The following TFCP2 variants were observed in gnomAD, a reference collection of about 807,000 sequenced individuals.
TFCP2 encodes the protein transcription factor CP2.
TFCP2 carries 33 observed loss-of-function variants against 73.4 expected under a neutral mutation model. That is an observed-to-expected ratio of 0.45 (90% CI 0.34 to 0.60). TFCP2 has a LOEUF of 0.60. Ranked by LOEUF, TFCP2 falls within the 20% of genes least tolerant of loss-of-function variation. The pLI, the probability that TFCP2 is intolerant of heterozygous loss-of-function variation, is 0.01. For missense variants in TFCP2, 352 were observed against 604.0 expected (o/e 0.58, Z 4.37); for synonymous variants, 193 against 211.6 (o/e 0.91, Z 0.76).
chr12:51,164,168 T>C (rs1191708259), intron 1 of TFCP2, among the ~76,000 whole-genome samples: 2 of 152,060 alleles, frequency 1.3e-5, no homozygotes, highest in African/African-American at 2.4e-5. Context: ...CACCACTGCA[T>C]CATTCCAGCC....
chr12:51,150,955 A>G (rs776709427), intron 1 of TFCP2, among the ~76,000 whole-genome samples: 4 of 152,258 alleles, frequency 2.6e-5, no homozygotes, highest in Middle Eastern at 3.4e-3. Context: ...TACACATCAG[A>G]TGTTAGGGAA....
intron 1 of TFCP2, among the ~76,000 whole-genome samples, chr12:51,124,405 T>C (rs947665822): frequency 6.6e-6 from 1 of 152,192 alleles, no homozygotes; most frequent in Non-Finnish European, 1.5e-5. Context: ...TTGGTTATTT[T>C]TTTCTTTTCT....
intron 6 of TFCP2, among the ~76,000 whole-genome samples, 172 bp downstream of exon 6, chr12:51,108,949 T>A (rs1940326597): frequency 6.6e-6 from 1 of 152,182 alleles, no homozygotes; most frequent in Admixed American, 6.6e-5. Context: ...TACGACCATG[T>A]AAATTTCTTT....
intron 5 of TFCP2, 97 bp from the exon 6 acceptor site, chr12:51,109,370 G>T: frequency 7.8e-7 from 1 of 1,287,040 alleles, no homozygotes; most frequent in Non-Finnish European, 1.1e-6. Flanking sequence ...ACCTTTACCA[G>T]GCATTATGAA....
intron 1 of TFCP2, among the ~76,000 whole-genome samples, chr12:51,161,685 A>AAAT (rs1321987355): frequency 2.7e-5 from 4 of 149,266 alleles, no homozygotes; most frequent in African/African-American, 7.4e-5. Flanking sequence ...GTCTCAAAAA[A>AAAT]AATAATAATA....
At position 51,155,259 on chromosome 12, in the gene TFCP2, A is replaced by G. The variant is rs553292968; in HGVS notation, c.122+17042T>C. On this transcript the variant is annotated intron_variant, in intron 1 of 14. Transcript: ENST00000257915. ...CTGGTTCTGAGGCTTTGAGACTTAG[A>G]TTGAGCCATGCTACTGGCATCCCTG... 2.0e-5 allele frequency among the ~76,000 whole-genome samples: 3 copies of G among 152,210 alleles called. No individual in the cohort carries two copies. In the South Asian group the frequency reaches 6.2e-4, roughly 32 times the overall value.
chr12:51,124,680 TC>T (rs1236397284), intron 1 of TFCP2: 2 of 628,642 alleles, frequency 3.2e-6, no homozygotes, highest in African/African-American at 1.8e-5. Context: ...CATCAGGCCG[TC>T]CCCCGCGGTG....
At chr12:51,163,739 T>C (rs573937091) in intron 1 of TFCP2, among the ~76,000 whole-genome samples, 39 of 148,762 alleles carry the variant, frequency 2.6e-4, no homozygotes, top group African/African-American at 2.7e-4. Flanking sequence ...CTGGGCACCA[T>C]AGTGAAACCC....
In TFCP2 at chr12:51,107,161, G is replaced by A. The variant is rs1940267876; in HGVS notation, c.828+75C>T. ...TCAAGGCTTAGGAGAAGTAAATTCT[G>A]ACCAGTTTGGAAGTGATGAATTTTT... On this transcript the variant is annotated intron_variant, in intron 7 of 14. Coordinates refer to ENST00000257915, the MANE Select transcript of TFCP2 (RefSeq NM_005653.5). 5.0e-6 allele frequency: 6 copies of A among 1,204,960 alleles called. No individual in the cohort carries two copies. In the Admixed American group the frequency reaches 1.1e-4, roughly 22 times the overall value. 74.6% of individuals were successfully genotyped at this position (1,204,960 alleles called of 1,614,324 possible).
At chr12:51,166,002 AC>A (rs1941750943) in intron 1 of TFCP2, among the ~76,000 whole-genome samples, 1 of 151,866 alleles carries the variant, frequency 6.6e-6, no homozygotes, top group Non-Finnish European at 1.5e-5. Flanking sequence ...ACAGAGTGAG[AC>A]CCCATCTCAA....
chr12:51,156,208 T>C (rs1941534703), intron 1 of TFCP2, among the ~76,000 whole-genome samples: 1 of 152,164 alleles, frequency 6.6e-6, no homozygotes, highest in African/African-American at 2.4e-5. Context: ...TTATTTGGCT[T>C]ATGGTTCTGC....
chr12:51,124,723 T>C lies in TFCP2; in HGVS notation c.123-5951A>G, dbSNP rs550939357. On this transcript the variant is annotated intron_variant, in intron 1 of 14. Transcript: ENST00000257915. ...GAGTTGGCAATCAGCTCGGTTGCCT[T>C]GGAGTCGCCCTCAGCAGAGATCACG... 9.8e-5 allele frequency: 68 copies of C among 695,912 alleles called. 4 individuals are homozygous for C. Among genetic ancestry groups the C allele is most frequent in the South Asian group, 9.0e-4 (65 of 71,870 alleles). 43.1% of individuals were successfully genotyped at this position (695,912 alleles called of 1,614,324 possible).
chr12:51,157,786 G>T (rs997518890), intron 1 of TFCP2, among the ~76,000 whole-genome samples: 1 of 146,412 alleles, frequency 6.8e-6, no homozygotes, highest in African/African-American at 2.5e-5. Context: ...TGCCTCCTGG[G>T]TTCATGCGAT....
At chr12:51,144,523 C>T (rs1206449059) in intron 1 of TFCP2, among the ~76,000 whole-genome samples, 3 of 152,108 alleles carry the variant, frequency 2.0e-5, no homozygotes, top group African/African-American at 7.2e-5. Context: ...ACTGACCCCA[C>T]ATATATAGAA....
chr12:51,109,361 C>A, intron 5 of TFCP2, 88 bp from the exon 6 acceptor site: 1 of 1,399,846 alleles, frequency 7.1e-7, no homozygotes. Context: ...AACAGCAAAA[C>A]CTTTACCAGG....
In TFCP2 at chr12:51,116,302, T is replaced by A. The variant is rs764207712; in HGVS notation, c.457+13A>T. ...TAAAGGCATTTCCTAGGCAATAGAT[T>A]CTCTTAACTCACCTATGTCAAGAAT... On this transcript the variant is annotated intron_variant, in intron 4 of 14. Transcript: ENST00000257915. 1.3e-6 allele frequency: 2 copies of A among 1,501,440 alleles called. No individual in the cohort carries two copies. Among genetic ancestry groups the A allele is most frequent in the Non-Finnish European group, 1.8e-6 (2 of 1,090,108 alleles). The allele number at this position is 1,501,440 out of a possible 1,614,324, so 93.0% of individuals were successfully genotyped here. A position where few individuals can be genotyped will look rare whatever the true frequency, so the allele number is the denominator to read the frequency against.
At chr12:51,120,177 C>CAAAAAAAAAAAAAAA (rs33982936) in intron 1 of TFCP2, among the ~76,000 whole-genome samples, 1 of 57,306 alleles carries the variant, frequency 1.7e-5, no homozygotes, top group Non-Finnish European at 3.0e-5. Flanking sequence ...GACTCTGTCT[C>CAAAAAAAAAAAAAAA]AAAAAAAAAA....
intron 1 of TFCP2, among the ~76,000 whole-genome samples, chr12:51,121,441 C>G (rs1940670467): frequency 1.4e-5 from 2 of 147,922 alleles, no homozygotes; most frequent in Non-Finnish European, 3.0e-5. Context: ...AATATTCCCC[C>G]AAAAGATCAG....
At chr12:51,156,138 T>C (rs76325894) in intron 1 of TFCP2, among the ~76,000 whole-genome samples, 3,176 of 152,098 alleles carry the variant, frequency 0.021, 101 homozygotes, top group African/African-American at 0.072. Context: ...AGACTATTCA[T>C]CCATTTTGCA....
Sources: gnomAD v4.1 joint callset for allele counts (sites outside exome capture counted in the v4.1 genomes callset) on GRCh38, gnomAD v4.1.1 for gene constraint, MANE v1.5 for transcripts, NCBI Gene and HGNC (gene_info 2026-07-23, HGNC 2026-07-21) for gene names.